The following FGFR2 variants were observed in gnomAD, a reference collection of about 807,000 sequenced individuals.
FGFR2 encodes the protein BEK fibroblast growth factor receptor.
FGFR2 carries 19 observed loss-of-function variants against 95.9 expected under a neutral mutation model. That is an observed-to-expected ratio of 0.20 (90% CI 0.14 to 0.29). FGFR2 has a LOEUF of 0.29. Ranked by LOEUF, FGFR2 falls within the 10% of genes least tolerant of loss-of-function variation. The pLI, the probability that FGFR2 is intolerant of heterozygous loss-of-function variation, is 1.00. For missense variants in FGFR2, 707 were observed against 1,056.9 expected (o/e 0.67, Z 4.59); for synonymous variants, 392 against 393.3 (o/e 1.00, Z 0.04).
chr10:121,595,992 T>A (rs985469978), intron 1 of FGFR2, among the ~76,000 whole-genome samples: 1 of 152,114 alleles, frequency 6.6e-6, no homozygotes, highest in South Asian at 2.1e-4. Flanking sequence ...TGGACAAAAG[T>A]ATGGTGCGAC....
At chr10:121,496,814 G>T (rs1846892082) in intron 12 of FGFR2, 92 bp from the exon 13 acceptor site, 7 of 1,110,804 alleles carry the variant, frequency 6.3e-6, no homozygotes, top group South Asian at 1.4e-5. Flanking sequence ...TACAACCCAT[G>T]CTTTTTTTTT....
chr10:121,483,573 A>G, intron 17 of FGFR2, 125 bp downstream of exon 17: 1 of 729,126 alleles, frequency 1.4e-6, no homozygotes, highest in Non-Finnish European at 2.5e-6. Context: ...ATCTGACCCT[A>G]TGGAAAAAGA....
chr10:121,586,166 A>G (rs1397178621), intron 2 of FGFR2, among the ~76,000 whole-genome samples: 1 of 152,224 alleles, frequency 6.6e-6, no homozygotes, highest in East Asian at 1.9e-4. Context: ...GGTCACATAT[A>G]GTAATATAGG....
chr10:121,508,588 G>A (rs1848622235), intron 9 of FGFR2, among the ~76,000 whole-genome samples: 1 of 152,094 alleles, frequency 6.6e-6, no homozygotes. Context: ...CAAATGGAAA[G>A]CCTAAAAATA....
At chr10:121,573,246 T>C (rs571696222) in intron 2 of FGFR2, among the ~76,000 whole-genome samples, 11 of 152,342 alleles carry the variant, frequency 7.2e-5, no homozygotes, top group Admixed American at 7.2e-4. Flanking sequence ...TCACGGAGAA[T>C]GGACGACAGA....
intron 5 of FGFR2, among the ~76,000 whole-genome samples, chr10:121,549,389 A>G (rs1319898662): frequency 6.6e-6 from 1 of 152,162 alleles, no homozygotes; most frequent in Non-Finnish European, 1.5e-5. Flanking sequence ...CACTGCTGCT[A>G]CTGAGGAATC....
At chr10:121,596,485 T>C in intron 1 of FGFR2, 1 of 192,118 alleles carries the variant, frequency 5.2e-6, no homozygotes, top group East Asian at 8.2e-5. Flanking sequence ...ACCTGGTGTT[T>C]TGTTCCTGGG....
chr10:121,594,279 C>T (rs2135493448), intron 1 of FGFR2: 1 of 280,824 alleles, frequency 3.6e-6, no homozygotes, highest in Admixed American at 4.7e-5. Flanking sequence ...TCCACTATCG[C>T]CTCCACCGCC....
intron 4 of FGFR2, 89 bp downstream of exon 4, chr10:121,564,413 G>T (rs1056778503): frequency 1.6e-6 from 2 of 1,214,086 alleles, no homozygotes; most frequent in African/African-American, 1.5e-5. Flanking sequence ...ACAGCATGGC[G>T]CAGAAGAGTC....
chr10:121,539,308 T>G (rs41295511), intron 5 of FGFR2, among the ~76,000 whole-genome samples: 1 of 152,218 alleles, frequency 6.6e-6, no homozygotes, highest in Admixed American at 6.5e-5. Flanking sequence ...GCTGAATAGA[T>G]ATACATGTTC....
chr10:121,561,675 C>T, intron 4 of FGFR2, among the ~76,000 whole-genome samples: 1 of 152,100 alleles, frequency 6.6e-6, no homozygotes, highest in East Asian at 1.9e-4. Context: ...AAGGCACCAT[C>T]CATAAAAGAA....
At chr10:121,481,070 G>C (rs1016284362) in intron 17 of FGFR2, among the ~76,000 whole-genome samples, 2 of 152,146 alleles carry the variant, frequency 1.3e-5, no homozygotes, top group Non-Finnish European at 2.9e-5. Context: ...GCTACTTTGA[G>C]GCTACAGTGG....
Position 121,518,802 on chromosome 10 carries a change from C to G in FGFR2, c.939+1177G>C, listed in dbSNP as rs1850067608. 6.2e-7 allele frequency: 1 copy of G among 1,614,026 alleles called. No individual in the cohort carries two copies. Among genetic ancestry groups the G allele is most frequent in the Non-Finnish European group, 8.5e-7 (1 of 1,180,026 alleles). On this transcript the variant is annotated intron_variant, in intron 7 of 17. Coordinates refer to ENST00000358487, the MANE Select transcript of FGFR2 (RefSeq NM_000141.5). The surrounding 1 kb of genome is among the most constrained non-coding windows in gnomAD (Gnocchi z 4.0). ...GTCACATTGAACAGAGCCAGCACTT[C>G]TGCATTGGAACTATTTATCCCCGAG... is the stretch of plus-strand genomic sequence containing the variant.
chr10:121,523,943 C>A (rs1850922728), intron 6 of FGFR2, among the ~76,000 whole-genome samples: 1 of 152,230 alleles, frequency 6.6e-6, no homozygotes, highest in African/African-American at 2.4e-5. Context: ...TTTCATCCCG[C>A]CTGACATCTC....
At chr10:121,580,039 C>T (rs1176104363) in intron 2 of FGFR2, among the ~76,000 whole-genome samples, 1 of 152,152 alleles carries the variant, frequency 6.6e-6, no homozygotes, top group Non-Finnish European at 1.5e-5. Context: ...CCCTGTATGG[C>T]CCTGAAAGGT....
intron 16 of FGFR2, among the ~76,000 whole-genome samples, 160 bp from the exon 17 acceptor site, chr10:121,483,963 C>G (rs984047805): frequency 1.3e-5 from 2 of 151,980 alleles, no homozygotes; most frequent in Admixed American, 1.3e-4. Flanking sequence ...TTCCCAAAAG[C>G]TTCCCTGCCA....
chr10:121,520,038 C>A lies in FGFR2; in HGVS notation c.880G>T (p.Val294Leu), dbSNP rs755453106. 6.2e-7 allele frequency: 1 copy of A among 1,614,224 alleles called. No homozygotes were observed. The highest frequency in any genetic ancestry group is 8.5e-7 in the Non-Finnish European group (1 of 1,180,038). ...CCGTATTTACTGCCGTTCTTTTCCA[C>A]GTGCTTGATCCACTGGATGTGGGGC... Reference protein sequence around the residue: ...AQPHIQWIKHVEKNGSKYGPD... With the variant: ...AQPHIQWIKHLEKNGSKYGPD... The change falls in exon 7 of 18, where the codon GTG becomes TTG. Residue 294 changes from valine (V) to leucine (L), a missense_variant. Transcript: ENST00000358487.
chr10:121,539,865 C>CACTCCACT (rs1388031407), intron 5 of FGFR2, among the ~76,000 whole-genome samples: 12 of 152,172 alleles, frequency 7.9e-5, no homozygotes, highest in African/African-American at 2.9e-4. Context: ...ATCTCGTAAC[C>CACTCCACT]ACTCCACTAT....
chr10:121,564,456 T>C (rs1175342911), intron 4 of FGFR2, 46 bp downstream of exon 4: 3 of 1,553,488 alleles, frequency 1.9e-6, no homozygotes, highest in Non-Finnish European at 2.7e-6. Flanking sequence ...AGAACTTCCC[T>C]CCATGCTCCT....
Sources: allele counts gnomAD v4.1 joint callset (sites outside exome capture counted in the v4.1 genomes callset), GRCh38; gene constraint gnomAD v4.1.1; non-coding constraint Gnocchi (gnomAD v3.1); transcripts MANE v1.5; gene names NCBI Gene and HGNC (gene_info 2026-07-23, HGNC 2026-07-21).